DDX54: variants seen among roughly 807,000 people sequenced by gnomAD.
The protein encoded by DDX54 is ATP-dependent RNA helicase DDX54.
DDX54 carries 67 observed loss-of-function variants against 105.5 expected under a neutral mutation model. The ratio of observed to expected loss-of-function variants is 0.64; its 90% CI spans 0.52 to 0.78. DDX54 has a LOEUF of 0.78. Ranked by LOEUF, DDX54 falls within the 30% of genes least tolerant of loss-of-function variation. The pLI, the probability that DDX54 is intolerant of heterozygous loss-of-function variation, is 0.00. For synonymous variants in DDX54, 514 were observed against 509.9 expected (o/e 1.01, Z -0.11); for missense variants, 1,206 against 1,230.5 (o/e 0.98, Z 0.30).
Position 113,180,910 on chromosome 12 carries a change from G to T in DDX54, c.304+19C>A, listed in dbSNP as rs1033882235. The T allele has an allele frequency of 7.4e-6, 12 of 1,612,890 alleles. No individual in the cohort carries two copies. The highest frequency in any genetic ancestry group is 1.3e-5 in the African/African-American group (1 of 74,908). On this transcript the variant is annotated intron_variant, in intron 2 of 19. Coordinates refer to ENST00000306014, the MANE Select transcript of DDX54 (RefSeq NM_024072.4). ...CAGCTGCCACTCCCGCAGAGTCCCTGATGCCAAGTTGCACCCACCCATGGA... is the reference window on the plus strand; with the variant it reads ...CAGCTGCCACTCCCGCAGAGTCCCTTATGCCAAGTTGCACCCACCCATGGA...
rs937915358 is a variant in DDX54, at chr12:113,163,382, C to T, written c.1939-108G>A. 32 of 1,468,332 alleles carry T rather than the reference C, an allele frequency of 2.2e-5. No homozygotes were observed. The highest frequency in any genetic ancestry group is 1.5e-4 in the South Asian group (11 of 73,552). The allele number at this position is 1,468,332 out of a possible 1,614,324, so 91.0% of individuals were successfully genotyped here. A position where few individuals can be genotyped will look rare whatever the true frequency, so the allele number is the denominator to read the frequency against. ...CCACAGTGAGGGGCCAGTGGCTTCT[C>T]GGGGACTTTCAAAGCTTCATTTTGC... is the stretch of plus-strand genomic sequence containing the variant. On this transcript the variant is annotated intron_variant, in intron 15 of 19. Transcript: ENST00000306014. This position sits in a 1 kb window ranked among gnomAD's most constrained non-coding sequence, Gnocchi z 5.9.
At position 113,157,428 on chromosome 12, in the gene DDX54, C is replaced by G; in HGVS notation, c.*1449G>C. ...AAGGTTGGCCTGAGGCTTTCAAAAC[C>G]CAGAACGGTTTAGGATCTCAGTCAC... On this transcript the variant is annotated 3_prime_UTR_variant, in exon 20 of 20. Coordinates refer to ENST00000306014, the MANE Select transcript of DDX54 (RefSeq NM_024072.4). 1.6e-6 allele frequency: 1 copy of G among 615,112 alleles called. No individual in the cohort carries two copies. The highest frequency in any genetic ancestry group is 2.9e-6 in the Non-Finnish European group (1 of 347,476). The allele number at this position is 615,112 out of a possible 1,614,324, so 38.1% of individuals were successfully genotyped here.
At chr12:113,177,227 C>T in intron 5 of DDX54, 134 bp from the exon 6 acceptor site, 1 of 1,018,866 alleles carries the variant, frequency 9.8e-7, no homozygotes, top group Non-Finnish European at 1.5e-6. Context: ...GAGGAAAGGC[C>T]AGTGCTGAGG....
chr12:113,171,853 T>A (rs1216233874), intron 11 of DDX54, among the ~76,000 whole-genome samples: 1 of 152,176 alleles, frequency 6.6e-6, no homozygotes, highest in Admixed American at 6.5e-5. Flanking sequence ...TACGAAGGGC[T>A]GCGTCTCAAT....
At chr12:113,166,674 C>A (rs988736820) in intron 12 of DDX54, among the ~76,000 whole-genome samples, 4 of 151,926 alleles carry the variant, frequency 2.6e-5, no homozygotes, top group African/African-American at 7.3e-5. Context: ...TGCACTCCAG[C>A]CTGGGTGACA....
intron 12 of DDX54, among the ~76,000 whole-genome samples, chr12:113,169,252 G>A (rs1404478167): frequency 1.3e-5 from 2 of 150,640 alleles, no homozygotes; most frequent in South Asian, 2.1e-4. Flanking sequence ...GAGCCCAGGA[G>A]TTGGAAGTTG....
intron 2 of DDX54, among the ~76,000 whole-genome samples, chr12:113,180,697 G>T (rs748446249): frequency 6.6e-6 from 1 of 150,720 alleles, no homozygotes; most frequent in Non-Finnish European, 1.5e-5. Context: ...GACTGTCTTT[G>T]CCTGTTCCTG....
At chr12:113,180,631 AC>A (rs1159013040) in intron 2 of DDX54, among the ~76,000 whole-genome samples, 1 of 150,310 alleles carries the variant, frequency 6.7e-6, no homozygotes, top group Non-Finnish European at 1.5e-5. Flanking sequence ...CACACCACCC[AC>A]CCATTCCATC....
In DDX54 at chr12:113,157,648, G is replaced by A. The variant is rs1289956213; in HGVS notation, c.*1229C>T. 6.4e-7 allele frequency: 1 copy of A among 1,551,518 alleles called. No individual in the cohort carries two copies. The highest frequency in any genetic ancestry group is 8.7e-7 in the Non-Finnish European group (1 of 1,147,014). ...CTCTCTGCCATGCTGGCCGGCCTGG[G>A]TCAGGCTGAGCCTGCAGCCCCTGCC... On this transcript the variant is annotated 3_prime_UTR_variant, in exon 20 of 20. Coordinates refer to ENST00000306014, the MANE Select transcript of DDX54 (RefSeq NM_024072.4).
In DDX54 at chr12:113,177,106, G is replaced by A. The variant is rs766178641; in HGVS notation, c.615-13C>T. On this transcript the variant is annotated splice_polypyrimidine_tract_variant and intron_variant, in intron 5 of 19. Transcript: ENST00000306014. Reference sequence around the variant, plus strand: ...CTGGTCTTCCATCCTAGAGAGGAGAGAAGGGGTTAGCTTGATAGAACAGGT... The same window carrying A: ...CTGGTCTTCCATCCTAGAGAGGAGAAAAGGGGTTAGCTTGATAGAACAGGT... 3.7e-6 allele frequency: 6 copies of A among 1,613,800 alleles called. No individual in the cohort carries two copies. The highest frequency in any genetic ancestry group is 4.5e-5 in the East Asian group (2 of 44,898).
At chr12:113,176,796 C>T (rs1204878443) in intron 7 of DDX54, 44 bp downstream of exon 7, 1 of 1,603,610 alleles carries the variant, frequency 6.2e-7, no homozygotes, top group Admixed American at 1.7e-5. Context: ...CCTCTGCTTT[C>T]CCAGTTCAGA....
chr12:113,184,093 C>T (rs770800316), intron 1 of DDX54, among the ~76,000 whole-genome samples: 2 of 152,072 alleles, frequency 1.3e-5, no homozygotes, highest in African/African-American at 2.4e-5. Flanking sequence ...ATTACAGGCA[C>T]ATGCCACCAC....
In DDX54 at chr12:113,175,095, TG is replaced by T. The variant is rs775869152; in HGVS notation, c.814del (p.His272ThrfsTer40). ...CGTGGCGGAGAACAGCACCGTCTGG[TG>T]GCCCCCGGGGAGGCGGGCGATGATC... The part of the protein sequence containing the change: ...QEIIARLPGG[H>X]QTVLFSATLP... On this transcript the variant is annotated frameshift_variant, in exon 8 of 20. Coordinates refer to ENST00000306014, the MANE Select transcript of DDX54 (RefSeq NM_024072.4). LOFTEE classifies it high-confidence loss of function. 6.2e-7 allele frequency: 1 copy of T among 1,613,860 alleles called. No homozygotes were observed. Among genetic ancestry groups the T allele is most frequent in the Non-Finnish European group, 8.5e-7 (1 of 1,180,000 alleles).
Position 113,157,651 on chromosome 12 carries a change from A to G in DDX54, c.*1226T>C. The G allele has an allele frequency of 6.4e-7, 1 of 1,551,660 alleles. No homozygotes were observed. The highest frequency in any genetic ancestry group is 8.7e-7 in the Non-Finnish European group (1 of 1,147,004). On this transcript the variant is annotated 3_prime_UTR_variant, in exon 20 of 20. Coordinates refer to ENST00000306014, the MANE Select transcript of DDX54 (RefSeq NM_024072.4). ...TCTGCCATGCTGGCCGGCCTGGGTC[A>G]GGCTGAGCCTGCAGCCCCTGCCTCC...
At chr12:113,168,089 C>T (rs151332592) in intron 12 of DDX54, 83 of 381,706 alleles carry the variant, frequency 2.2e-4, no homozygotes, top group South Asian at 1.0e-3. Context: ...GGCCGCCCCC[C>T]ACCCCGGCCA....
Position 113,172,541 on chromosome 12 carries a change from C to T in DDX54, c.1091G>A (p.Ser364Asn). 1 of 1,614,202 alleles carries T rather than the reference C, an allele frequency of 6.2e-7. No homozygotes were observed. The highest frequency in any genetic ancestry group is 8.5e-7 in the Non-Finnish European group (1 of 1,180,052). ...TAGGGCACTGTAGATGTGGGCGCAG[C>T]TCACCCGCTGGGTCGTCAGCAGCTG... ...LTELLTTQRV[S>N]CAHIYSALDP... The change falls in exon 11 of 20, where the codon AGC becomes AAC. Residue 364 changes from serine to asparagine, a missense_variant. Transcript: ENST00000306014.
chr12:113,162,614 T>A (rs60351670), intron 17 of DDX54: 1 of 252,438 alleles, frequency 4.0e-6, no homozygotes, highest in Non-Finnish European at 7.4e-6. Context: ...CCTGGAGGGG[T>A]GGCTCACTCG....
chr12:113,162,046 G>C, intron 17 of DDX54, 49 bp from the exon 18 acceptor site: 2 of 1,585,458 alleles, frequency 1.3e-6, no homozygotes, highest in Non-Finnish European at 1.7e-6. Flanking sequence ...AACCCTTGGA[G>C]TGCCGGCTGC....
chr12:113,164,270 T>C lies in DDX54; in HGVS notation c.1735A>G (p.Asn579Asp), dbSNP rs770253069. The C allele has an allele frequency of 6.3e-7, 1 of 1,592,080 alleles. No homozygotes were observed. Residue 579 changes from asparagine to aspartate, a missense_variant, in exon 15 of 20, where the codon AAC (asparagine) becomes GAC (aspartate). Physicochemically the swap from Asn to Asp is conservative, Grantham distance 23. Transcript: ENST00000306014. ...YRSRATIFEI[N>D]ASSRDLCSQV... ...CTGCACAGGTCTCGGCTGGAGGCGT[T>C]GATCTCAAAGATAGTCTGTGGAGGG...
Sources: gnomAD v4.1 joint callset for allele counts (sites outside exome capture counted in the v4.1 genomes callset) on GRCh38, gnomAD v4.1.1 for gene constraint, Gnocchi (gnomAD v3.1) non-coding constraint, MANE v1.5 for transcripts, NCBI Gene and HGNC (gene_info 2026-07-23, HGNC 2026-07-21) for gene names.